Variants in FCHSD2 observed in about 807,000 individuals in gnomAD.
FCHSD2 encodes FCH and double SH3 domains 2, also known as F-BAR and double SH3 domains protein 2.
FCHSD2 carries 38 observed loss-of-function variants against 108.1 expected under a neutral mutation model. That is an observed-to-expected ratio of 0.35 (90% confidence interval 0.27 to 0.46). The LOEUF (loss-of-function observed/expected upper bound fraction) is 0.46, where lower values mean the gene tolerates loss of function less well. Ranked by LOEUF, FCHSD2 falls within the 20% of genes least tolerant of loss-of-function variation. FCHSD2 has a pLI of 1.00. For synonymous variants in FCHSD2, 279 were observed against 314.7 expected, an observed-to-expected ratio of 0.89 and a Z score of 1.20; for missense variants, 751 against 897.8, an observed-to-expected ratio of 0.84 and a Z score of 2.09.
intron 1 of FCHSD2, among the ~76,000 whole-genome samples, chr11:73,140,439 TTA>T (rs1386603732): frequency 6.6e-6 from 1 of 152,198 alleles, no homozygotes; most frequent in Non-Finnish European, 1.5e-5. Context: ...TCCTACAGTT[TTA>T]AAAGAGCCTG....
chr11:73,036,739 T>G (rs1418955502), intron 3 of FCHSD2, among the ~76,000 whole-genome samples: 2 of 152,244 alleles, frequency 1.3e-5, no homozygotes, highest in Non-Finnish European at 2.9e-5. Context: ...TTCTACTATA[T>G]ACAAGGTACT....
intron 2 of FCHSD2, among the ~76,000 whole-genome samples, chr11:73,094,189 C>T (rs1273548938): frequency 6.6e-6 from 1 of 151,978 alleles, no homozygotes; most frequent in Non-Finnish European, 1.5e-5. Context: ...CCAGCCTGGG[C>T]TACAGAGCAA....
At chr11:72,970,738 A>G (rs1014480105) in intron 8 of FCHSD2, among the ~76,000 whole-genome samples, 1 of 152,184 alleles carries the variant, frequency 6.6e-6, no homozygotes, top group Non-Finnish European at 1.5e-5. Flanking sequence ...TTCTATGAAG[A>G]AAAGACTTCC....
chr11:72,984,356 A>T, intron 7 of FCHSD2, 140 bp from the exon 8 acceptor site: 2 of 669,558 alleles, frequency 3.0e-6, no homozygotes, highest in Non-Finnish European at 5.1e-6. Context: ...TTATACGTAT[A>T]TAAAAATTAT....
At chr11:72,969,390 G>A (rs1856969051) in intron 8 of FCHSD2, among the ~76,000 whole-genome samples, 1 of 152,178 alleles carries the variant, frequency 6.6e-6, no homozygotes, top group African/African-American at 2.4e-5. Flanking sequence ...TTTAGGTTTT[G>A]CCACCTCAGT....
At chr11:73,065,457 T>C (rs753397480) in intron 3 of FCHSD2, among the ~76,000 whole-genome samples, 2 of 152,176 alleles carry the variant, frequency 1.3e-5, no homozygotes, top group Non-Finnish European at 2.9e-5. Context: ...AAGACAAGGA[T>C]GCCCTCTCTC....
chr11:72,965,939 T>C (rs957746222), intron 8 of FCHSD2, among the ~76,000 whole-genome samples: 2 of 152,182 alleles, frequency 1.3e-5, no homozygotes, highest in Non-Finnish European at 2.9e-5. Flanking sequence ...TGTATCAATA[T>C]AGATACAATC....
intron 2 of FCHSD2, 72 bp from the exon 3 acceptor site, chr11:73,083,812 T>C: frequency 1.1e-6 from 1 of 921,068 alleles, no homozygotes; most frequent in Non-Finnish European, 1.7e-6. Context: ...TCAACACACC[T>C]TCAAATACTG....
chr11:73,033,070 T>C (rs1391544618), intron 3 of FCHSD2, among the ~76,000 whole-genome samples: 1 of 151,942 alleles, frequency 6.6e-6, no homozygotes, highest in African/African-American at 2.4e-5. Flanking sequence ...ATGCGGATCA[T>C]GAGGTCAGGA....
At chr11:72,928,758 C>T (rs1471983370) in intron 8 of FCHSD2, among the ~76,000 whole-genome samples, 2 of 152,034 alleles carry the variant, frequency 1.3e-5, no homozygotes, top group Admixed American at 6.5e-5. Context: ...TTTTAGGGTA[C>T]ATGTGCACAA....
At chr11:72,843,842 T>C (rs941976930) in intron 14 of FCHSD2, among the ~76,000 whole-genome samples, 2 of 149,868 alleles carry the variant, frequency 1.3e-5, no homozygotes, top group Non-Finnish European at 3.0e-5. Context: ...AATAAATAAG[T>C]AAATAAATAA....
intron 10 of FCHSD2, among the ~76,000 whole-genome samples, chr11:72,901,872 TTTTG>T (rs570869962): frequency 7.9e-5 from 12 of 152,184 alleles, no homozygotes; most frequent in South Asian, 2.1e-4. Flanking sequence ...CTGGTTTTTT[TTTTG>T]TTTGTTTGTT....
chr11:72,957,919 A>G (rs1311868716), intron 8 of FCHSD2, among the ~76,000 whole-genome samples: 1 of 152,222 alleles, frequency 6.6e-6, no homozygotes, highest in East Asian at 1.9e-4. Context: ...ATTTTTCTAC[A>G]AGTTTGGAAT....
intron 3 of FCHSD2, among the ~76,000 whole-genome samples, chr11:73,033,048 G>T (rs965113763): frequency 1.3e-5 from 2 of 152,034 alleles, no homozygotes; most frequent in African/African-American, 4.8e-5. Context: ...CAGCACTTTG[G>T]GGGGCTGAGG....
intron 3 of FCHSD2, among the ~76,000 whole-genome samples, chr11:73,072,252 G>A (rs961567458): frequency 6.6e-6 from 1 of 151,364 alleles, no homozygotes; most frequent in Non-Finnish European, 1.5e-5. Context: ...AAATAATGGG[G>A]ATCAGCATCA....
rs569036480 is a variant in FCHSD2 at position 73,100,659 on chromosome 11, G to A, written c.120-16919C>T. Among the ~76,000 whole-genome samples the A allele has an allele frequency of 3.9e-5, 6 of 152,070 alleles. No individual in the cohort carries two copies. The South Asian group carries it at 1.0e-3, about 26-fold the overall frequency. On this transcript the variant is annotated intron_variant, in intron 2 of 19. Transcript: ENST00000409418. The stretch of plus-strand genomic sequence containing the variant: ...ATTACAGGTGTGAGCCACCGTGATC[G>A]GCCTACATACATTTTATCTAATCTT...
At chr11:73,043,110 T>C (rs1858680520) in intron 3 of FCHSD2, among the ~76,000 whole-genome samples, 1 of 152,188 alleles carries the variant, frequency 6.6e-6, no homozygotes, top group African/African-American at 2.4e-5. Context: ...GTGGTGAAAG[T>C]GGGCATCCTT....
intron 8 of FCHSD2, among the ~76,000 whole-genome samples, chr11:72,963,141 T>C (rs1856846795): frequency 6.6e-6 from 1 of 152,216 alleles, no homozygotes; most frequent in Non-Finnish European, 1.5e-5. Flanking sequence ...ACGTGTGTTT[T>C]TAAAAAAATA....
intron 3 of FCHSD2, among the ~76,000 whole-genome samples, chr11:73,076,637 T>C (rs1859558965): frequency 6.6e-6 from 1 of 152,228 alleles, no homozygotes; most frequent in Non-Finnish European, 1.5e-5. Context: ...TTTGTATGTT[T>C]GCTAAAAATC....
Sources: gnomAD v4.1 joint callset for allele counts (sites outside exome capture counted in the v4.1 genomes callset) on GRCh38, gnomAD v4.1.1 for gene constraint, MANE v1.5 for transcripts, NCBI Gene and HGNC (gene_info 2026-07-23, HGNC 2026-07-21) for gene names.